The following CEACAM20 variants were observed in gnomAD, a reference collection of about 807,000 sequenced individuals.
CEACAM20 encodes cell adhesion molecule CEACAM20.
In CEACAM20, 50 loss-of-function variants were observed where a neutral mutation model predicts 61.2. That is an observed-to-expected ratio of 0.82 (90% confidence interval 0.65 to 1.03). CEACAM20 has a LOEUF of 1.03. Ranked by LOEUF, CEACAM20 falls within the 50% of genes least tolerant of loss-of-function variation. The probability of loss-of-function intolerance (pLI) is 0.00; values close to 1 mark genes in which losing one functional copy is unlikely to be tolerated. For synonymous variants in CEACAM20, 282 were observed against 287.7 expected (o/e 0.98, Z 0.20); for missense variants, 683 against 736.4 (o/e 0.93, Z 0.84).
rs192847663 is a variant in CEACAM20 at position 44,511,154 on chromosome 19, G to A, written c.1613C>T (p.Thr538Met). Residue 538 changes from threonine to methionine, a missense_variant and splice_region_variant, in exon 11 of 12, where the codon ACG (threonine) becomes ATG (methionine). Transcript: ENST00000614924. ...PPDLPEETYE[T>M]KLPSASRRGN... ...TCTACGGCTTGCTGAAGGCAGCTTC[G>A]TCTGCAAGTAAGCAGAGAAATTAGG... The A allele has an allele frequency of 2.3e-4, 371 of 1,613,474 alleles. 1 individual carries two copies. Among genetic ancestry groups the A allele is most frequent in the African/African-American group, 7.1e-4 (53 of 74,996 alleles).
At chr19:44,520,437 A>C (rs752694684) in intron 5 of CEACAM20, 37 bp downstream of exon 5, 1 of 1,596,140 alleles carries the variant, frequency 6.3e-7, no homozygotes, top group East Asian at 2.2e-5. Context: ...GGAGGGAAGC[A>C]GGGAGATGGG....
rs1166628909 is a variant in CEACAM20, at chr19:44,516,937, G to A, written c.1309+9C>T. Reference sequence around the variant, plus strand: ...GGGTCCTGGGAGAAGGCGACCCTGAGAGACTCACCTACCACCTTGACCAGG... The same window carrying A: ...GGGTCCTGGGAGAAGGCGACCCTGAAAGACTCACCTACCACCTTGACCAGG... On this transcript the variant is annotated intron_variant, in intron 6 of 11. Coordinates refer to ENST00000614924, the MANE Select transcript of CEACAM20 (RefSeq NM_001102597.3). 1 of 1,590,458 alleles carries A rather than the reference G, an allele frequency of 6.3e-7. No individual in the cohort carries two copies. The highest frequency in any genetic ancestry group is 1.1e-5 in the South Asian group (1 of 87,094).
At chr19:44,508,782 G>T (rs567909928) in intron 11 of CEACAM20, among the ~76,000 whole-genome samples, 2 of 152,286 alleles carry the variant, frequency 1.3e-5, no homozygotes, top group East Asian at 1.9e-4. Flanking sequence ...TATAGTGGCA[G>T]ATATCACGTA....
chr19:44,513,833 A>T (rs549143972), intron 6 of CEACAM20, among the ~76,000 whole-genome samples: 2 of 152,196 alleles, frequency 1.3e-5, no homozygotes, highest in East Asian at 3.9e-4. Context: ...ATGCTACTTA[A>T]CCTCTCTAGG....
At chr19:44,525,026 T>G in intron 2 of CEACAM20, 75 bp downstream of exon 2, 1 of 1,568,158 alleles carries the variant, frequency 6.4e-7, no homozygotes, top group Non-Finnish European at 8.7e-7. Flanking sequence ...TCTGGGGACT[T>G]TGGGCGTGAG....
chr19:44,518,185 G>T lies in CEACAM20; in HGVS notation c.1031-961C>A, dbSNP rs1055239224. On this transcript the variant is annotated intron_variant, in intron 5 of 11. Coordinates refer to ENST00000614924, the MANE Select transcript of CEACAM20 (RefSeq NM_001102597.3). ...AAGGAAGGAAGAAAGCAGGCAGGCA[G>T]GCAGGCAGGCAGGCAAGAAGGAAGG... is the stretch of plus-strand genomic sequence containing the variant. Among the ~76,000 whole-genome samples the T allele has an allele frequency of 2.8e-5, 4 of 145,080 alleles. No individual in the cohort carries two copies. The South Asian group carries it at 8.8e-4, about 32-fold the overall frequency.
chr19:44,524,992 TG>T (rs746714450), intron 2 of CEACAM20, 108 bp downstream of exon 2: 383 of 1,401,046 alleles, frequency 2.7e-4, no homozygotes, highest in Non-Finnish European at 3.5e-4. Flanking sequence ...TGCTGGACCC[TG>T]GCTGAGCCAA....
chr19:44,508,500 C>T (rs1232333501), intron 11 of CEACAM20, among the ~76,000 whole-genome samples: 1 of 152,196 alleles, frequency 6.6e-6, no homozygotes, highest in South Asian at 2.1e-4. Flanking sequence ...AGTGATTCTT[C>T]TGCCTCAGCC....
chr19:44,512,198 G>A, intron 8 of CEACAM20, 120 bp from the exon 9 acceptor site: 1 of 748,102 alleles, frequency 1.3e-6, no homozygotes, highest in South Asian at 1.6e-5. Flanking sequence ...AGGACTCCCT[G>A]TCATATTTCC....
At chr19:44,513,145 A>G in intron 7 of CEACAM20, 27 bp downstream of exon 7, 1 of 1,557,594 alleles carries the variant, frequency 6.4e-7, no homozygotes. Context: ...CCCCATCCCC[A>G]TCCCCCTCCC....
At chr19:44,520,810 C>T (rs1458872011) in intron 4 of CEACAM20, 58 bp from the exon 5 acceptor site, 3 of 1,554,030 alleles carry the variant, frequency 1.9e-6, no homozygotes, top group Non-Finnish European at 8.7e-7. Context: ...ATCTCCTGCC[C>T]TTGTGGGGCC....
At chr19:44,529,432 G>C (rs376637944) in intron 1 of CEACAM20, 26 bp downstream of exon 1, 1 of 1,602,598 alleles carries the variant, frequency 6.2e-7, no homozygotes, top group South Asian at 1.1e-5. Context: ...CCCTCCTCCC[G>C]CATCTGAAGG....
intron 1 of CEACAM20, among the ~76,000 whole-genome samples, chr19:44,528,853 G>A (rs954674118): frequency 1.4e-5 from 2 of 148,072 alleles, no homozygotes; most frequent in African/African-American, 5.0e-5. Context: ...ACACACCACT[G>A]ACAAATATAC....
intron 2 of CEACAM20, among the ~76,000 whole-genome samples, chr19:44,524,629 G>C (rs1303929319): frequency 6.6e-6 from 1 of 151,876 alleles, no homozygotes; most frequent in African/African-American, 2.4e-5. Context: ...ACCCAGGCTG[G>C]AGTGCAGTGG....
chr19:44,520,694 C>T lies in CEACAM20; in HGVS notation c.810G>A (p.Arg270=), dbSNP rs534153165. Residue 270 remains arginine, a synonymous_variant, in exon 5 of 12, where the codon AGG becomes AGA. Coordinates refer to ENST00000614924, the MANE Select transcript of CEACAM20 (RefSeq NM_001102597.3). ...PSSLNLVENA[R]SVDLTCQTVN... is the part of the protein sequence containing the mutation. ...CGGTTTGGCAGGTCAGGTCCACAGA[C>T]CTAGCATTCTCCACAAGGTTCAGGC... 1.2e-6 allele frequency: 2 copies of T among 1,614,012 alleles called. No homozygotes were observed. The highest frequency in any genetic ancestry group is 2.2e-5 in the East Asian group (1 of 44,882).
chr19:44,517,547 A>C (rs1439055349), intron 5 of CEACAM20, among the ~76,000 whole-genome samples: 2 of 151,910 alleles, frequency 1.3e-5, no homozygotes, highest in Non-Finnish European at 2.9e-5. Flanking sequence ...AATACAAAAA[A>C]TTAGCCGGGC....
chr19:44,520,436 C>A (rs767230751), intron 5 of CEACAM20, 38 bp downstream of exon 5: 1 of 1,594,696 alleles, frequency 6.3e-7, no homozygotes, highest in African/African-American at 1.3e-5. Context: ...AGGAGGGAAG[C>A]AGGGAGATGG....
In CEACAM20 at chr19:44,511,150, C is replaced by T; in HGVS notation, c.1617G>A (p.Lys539=). The stretch of plus-strand genomic sequence containing the variant: ...TGCCTCTACGGCTTGCTGAAGGCAG[C>T]TTCGTCTGCAAGTAAGCAGAGAAAT... ...PDLPEETYET[K]LPSASRRGNS... Residue 539 remains lysine (K), a synonymous_variant, in exon 11 of 12, where the codon AAG becomes AAA. Coordinates refer to ENST00000614924, the MANE Select transcript of CEACAM20 (RefSeq NM_001102597.3). 6.2e-7 allele frequency: 1 copy of T among 1,613,620 alleles called. No individual in the cohort carries two copies. Among genetic ancestry groups the T allele is most frequent in the Non-Finnish European group, 8.5e-7 (1 of 1,179,774 alleles).
At position 44,511,620 on chromosome 19, in the gene CEACAM20, C is replaced by T; in HGVS notation, c.1611+17G>A. 6.2e-7 allele frequency: 1 copy of T among 1,610,932 alleles called. No homozygotes were observed. Among genetic ancestry groups the T allele is most frequent in the Non-Finnish European group, 8.5e-7 (1 of 1,178,546 alleles). On this transcript the variant is annotated intron_variant, in intron 10 of 11. Transcript: ENST00000614924. ...CCTTCATAGATTCTTTAACCAAACCCAGCAGGGCCAATGTACCTCATAGGT... is the reference window on the plus strand; with the variant it reads ...CCTTCATAGATTCTTTAACCAAACCTAGCAGGGCCAATGTACCTCATAGGT...
Sources: gnomAD v4.1 joint callset for allele counts (sites outside exome capture counted in the v4.1 genomes callset) on GRCh38, gnomAD v4.1.1 for gene constraint, MANE v1.5 for transcripts, NCBI Gene and HGNC (gene_info 2026-07-23, HGNC 2026-07-21) for gene names.